Variants in MPV17L observed in about 807,000 individuals in gnomAD.
MPV17L encodes MPV17 mitochondrial inner membrane protein like.
Under a neutral mutation model 25.8 loss-of-function variants are expected in MPV17L, and 24 were observed. The observed-to-expected ratio is 0.93, with a 90% CI of 0.67 to 1.31. MPV17L has a LOEUF of 1.31. MPV17L is among the 50% of genes most tolerant of loss of function. The pLI is 0.00. For synonymous variants in MPV17L, 102 were observed against 115.3 expected (o/e 0.88, Z 0.74); for missense variants, 250 against 265.6 (o/e 0.94, Z 0.41).
At chr16:15,407,081 AT>A (rs202097749) in intron 2 of MPV17L, among the ~76,000 whole-genome samples, 63 of 151,224 alleles carry the variant, frequency 4.2e-4, no homozygotes, top group Middle Eastern at 3.4e-3. Context: ...AAAAAAAAAA[AT>A]TAATTTAAAA....
chr16:15,401,502 T>A (rs1379853021), intron 2 of MPV17L, among the ~76,000 whole-genome samples: 3 of 152,128 alleles, frequency 2.0e-5, no homozygotes, highest in East Asian at 3.9e-4. Flanking sequence ...TAAGAGTATC[T>A]GTACTTCTCA....
chr16:15,397,055 C>G (rs1040416266), intron 1 of MPV17L, among the ~76,000 whole-genome samples: 2 of 151,992 alleles, frequency 1.3e-5, no homozygotes, highest in Admixed American at 6.6e-5. Flanking sequence ...AGGACTCCAC[C>G]AAGAGGCGGA....
chr16:15,400,400 G>A (rs537813021), intron 1 of MPV17L, among the ~76,000 whole-genome samples: 1 of 149,030 alleles, frequency 6.7e-6, no homozygotes. Context: ...GCCCAGGCTG[G>A]AGTGCAGTGG....
intron 1 of MPV17L, among the ~76,000 whole-genome samples, chr16:15,399,856 G>T (rs914001438): frequency 4.6e-5 from 7 of 152,080 alleles, no homozygotes; most frequent in Admixed American, 1.3e-4. Flanking sequence ...ATCCTGGGTT[G>T]TGTAGTGGTA....
chr16:15,401,874 T>C lies in MPV17L; in HGVS notation c.381+1017T>C, dbSNP rs1598424509. Among the ~76,000 whole-genome samples the C allele has an allele frequency of 2.0e-5, 3 of 152,298 alleles. No individual in the cohort carries two copies. The South Asian group carries it at 6.2e-4, about 32-fold the overall frequency. ...TAATATCTCTGAATTTTAGTCCATGTTCTCAGTGATTTCTGACTTTATTAT... is the reference window on the plus strand; with the variant it reads ...TAATATCTCTGAATTTTAGTCCATGCTCTCAGTGATTTCTGACTTTATTAT... On this transcript the variant is annotated intron_variant, in intron 2 of 3. Coordinates refer to ENST00000396385, the MANE Select transcript of MPV17L (RefSeq NM_001128423.2).
rs1200947947 is a variant in MPV17L at position 15,408,846 on chromosome 16, GAGATC to G, written c.*735_*739del. 2 of 149,752 alleles carry G rather than the reference GAGATC, an allele frequency of 1.3e-5. No homozygotes were observed. The highest frequency in any genetic ancestry group is 3.0e-5 in the Non-Finnish European group (2 of 67,422). 9.3% of individuals were successfully genotyped at this position (149,752 alleles called of 1,614,324 possible). ...GTCGCCCAGGCTGGAATGCAGTTGT[GAGATC>G]TCGGCTCACTGCAAGCTCCGCCTCC... On this transcript the variant is annotated 3_prime_UTR_variant, in exon 4 of 4. Coordinates refer to ENST00000396385, the MANE Select transcript of MPV17L (RefSeq NM_001128423.2).
In MPV17L at chr16:15,405,696, C is replaced by G. The variant is rs528032289; in HGVS notation, c.382-2128C>G. On this transcript the variant is annotated intron_variant, in intron 2 of 3. Coordinates refer to ENST00000396385, the MANE Select transcript of MPV17L (RefSeq NM_001128423.2). Reference sequence around the variant, plus strand: ...TCACGACTTCAGGTGATCTGCCTGCCTTGGCCTCCCAAAGTGCAGGGATTA... The same window carrying G: ...TCACGACTTCAGGTGATCTGCCTGCGTTGGCCTCCCAAAGTGCAGGGATTA... 6.0e-3 allele frequency among the ~76,000 whole-genome samples: 913 copies of G among 151,314 alleles called. 5 individuals carry two copies. Among genetic ancestry groups the G allele is most frequent in the African/African-American group, 0.021 (883 of 41,318 alleles).
At chr16:15,396,347 G>A (rs1462049314) in intron 1 of MPV17L, 140 bp downstream of exon 1, 2 of 1,165,356 alleles carry the variant, frequency 1.7e-6, no homozygotes, top group Non-Finnish European at 2.4e-6. Flanking sequence ...TGAGACCGGA[G>A]CTGCTTCAGA....
chr16:15,407,082 T>A (rs222912), intron 2 of MPV17L, among the ~76,000 whole-genome samples: 80,686 of 149,664 alleles, frequency 0.54, 22,922 homozygotes, highest in Admixed American at 0.66. Context: ...AAAAAAAAAA[T>A]TAATTTAAAA....
At chr16:15,399,242 A>G (rs1225335959) in intron 1 of MPV17L, among the ~76,000 whole-genome samples, 2 of 152,092 alleles carry the variant, frequency 1.3e-5, no homozygotes, top group South Asian at 4.1e-4. Context: ...AGTATTACCA[A>G]TATTTTGCTG....
chr16:15,404,878 A>G (rs1459519106), intron 2 of MPV17L, among the ~76,000 whole-genome samples: 2 of 152,148 alleles, frequency 1.3e-5, no homozygotes, highest in Non-Finnish European at 2.9e-5. Context: ...GAAATGTTGA[A>G]TGTCAGATGC....
intron 1 of MPV17L, among the ~76,000 whole-genome samples, chr16:15,398,124 A>G (rs1357661797): frequency 6.6e-6 from 1 of 152,050 alleles, no homozygotes; most frequent in Non-Finnish European, 1.5e-5. Context: ...AGCTCACTGA[A>G]ACCTGCATCT....
Position 15,411,745 on chromosome 16 carries a change from G to C in MPV17L, c.*3633G>C, listed in dbSNP as rs954566184. The C allele has an allele frequency of 2.0e-5, 3 of 152,028 alleles. No individual in the cohort carries two copies. Among genetic ancestry groups the C allele is most frequent in the African/African-American group, 7.2e-5 (3 of 41,380 alleles). 9.4% of individuals were successfully genotyped at this position (152,028 alleles called of 1,614,324 possible). On this transcript the variant is annotated 3_prime_UTR_variant, in exon 4 of 4. Coordinates refer to ENST00000396385, the MANE Select transcript of MPV17L (RefSeq NM_001128423.2). ...AAGGCAGGTGGATCGGTTGAGGTCAGGAGTTCAAGACCAGCATGGCCAACA... is the reference window on the plus strand; with the variant it reads ...AAGGCAGGTGGATCGGTTGAGGTCACGAGTTCAAGACCAGCATGGCCAACA...
In MPV17L at chr16:15,410,823, T is replaced by C. The variant is rs780117716; in HGVS notation, c.*2711T>C. ...AAGGCATTAATATATTTTACATTAT[T>C]GGGACCATAGTACAGAAATTTCTAA... On this transcript the variant is annotated 3_prime_UTR_variant, in exon 4 of 4. Transcript: ENST00000396385. 2 of 152,218 alleles carry C rather than the reference T, an allele frequency of 1.3e-5. No homozygotes were observed. The highest frequency in any genetic ancestry group is 2.9e-5 in the Non-Finnish European group (2 of 68,048). 9.4% of individuals were successfully genotyped at this position (152,218 alleles called of 1,614,324 possible).
At chr16:15,396,253 G>T (rs1457652074) in intron 1 of MPV17L, 46 bp downstream of exon 1, 7 of 1,532,220 alleles carry the variant, frequency 4.6e-6, no homozygotes, top group Non-Finnish European at 6.2e-6. Flanking sequence ...CAGTATTGGG[G>T]GACTGGAGGC....
chr16:15,396,564 A>G (rs1567428981), intron 1 of MPV17L, among the ~76,000 whole-genome samples: 1 of 152,114 alleles, frequency 6.6e-6, no homozygotes, highest in Non-Finnish European at 1.5e-5. Flanking sequence ...TTGCCCCCTG[A>G]AAAAGGCCCA....
intron 2 of MPV17L, among the ~76,000 whole-genome samples, chr16:15,403,723 C>T (rs2050658780): frequency 6.7e-6 from 1 of 150,352 alleles, no homozygotes; most frequent in African/African-American, 2.4e-5. Flanking sequence ...AAGCTTCAGG[C>T]AGGGATTTGT....
chr16:15,397,770 A>C (rs964897471), intron 1 of MPV17L, among the ~76,000 whole-genome samples: 1 of 151,842 alleles, frequency 6.6e-6, no homozygotes, highest in Non-Finnish European at 1.5e-5. Flanking sequence ...TCCTTTCCCT[A>C]CAGACCCCAC....
chr16:15,396,140 C>T lies in MPV17L; in HGVS notation c.243C>T (p.Ala81=). 6.5e-7 allele frequency: 1 copy of T among 1,548,816 alleles called. No individual in the cohort carries two copies. Among genetic ancestry groups the T allele is most frequent in the African/African-American group, 1.4e-5 (1 of 73,256 alleles). The change falls in exon 1 of 4, where the codon GCC becomes GCT. Residue 81 remains alanine, a synonymous_variant. Transcript: ENST00000396385. Reference sequence around the variant, plus strand: ...CGCTCCCGGGCCGAGCGCCGCACGCCCTGCTGGCCAAGTTGCTGTGCGACC... The same window carrying T: ...CGCTCCCGGGCCGAGCGCCGCACGCTCTGCTGGCCAAGTTGCTGTGCGACC... ...ERALPGRAPH[A]LLAKLLCDQV... is the part of the protein sequence containing the mutation.
Sources: gnomAD v4.1 joint callset for allele counts (sites outside exome capture counted in the v4.1 genomes callset) on GRCh38, gnomAD v4.1.1 for gene constraint, MANE v1.5 for transcripts, NCBI Gene and HGNC (gene_info 2026-07-23, HGNC 2026-07-21) for gene names.